MACROD2: variants seen among roughly 807,000 people sequenced by gnomAD.
The protein encoded by MACROD2 is ADP-ribose glycohydrolase MACROD2.
MACROD2 carries 36 observed loss-of-function variants against 70.4 expected under a neutral mutation model. The observed-to-expected ratio is 0.51, with a 90% CI of 0.39 to 0.68. The LOEUF (loss-of-function observed/expected upper bound fraction) is 0.68. Among genes scored for constraint, MACROD2 ranks in the 30% least tolerant of loss-of-function variants. The pLI, the probability that MACROD2 is intolerant of heterozygous loss-of-function variation, is 0.00. For missense variants in MACROD2, 496 were observed against 538.4 expected (o/e 0.92, Z 0.78); for synonymous variants, 172 against 178.8 (o/e 0.96, Z 0.30).
intron 4 of MACROD2, among the ~76,000 whole-genome samples, chr20:14,520,793 G>T (rs894704297): frequency 7.9e-5 from 12 of 151,862 alleles, no homozygotes; most frequent in African/African-American, 2.4e-4. Flanking sequence ...CTTTTACTTT[G>T]TTTTTTTCTT....
intron 5 of MACROD2, among the ~76,000 whole-genome samples, chr20:14,771,173 T>A (rs79161478): frequency 5.3e-5 from 8 of 152,108 alleles, no homozygotes; most frequent in Admixed American, 3.9e-4. Context: ...AACATCAGTC[T>A]TCTCCTGTTT....
chr20:15,492,351 C>T (rs1005743384), intron 7 of MACROD2, among the ~76,000 whole-genome samples: 1 of 127,148 alleles, frequency 7.9e-6, no homozygotes, highest in African/African-American at 2.9e-5. Context: ...ATCACATCCT[C>T]CATCTACACC....
chr20:15,739,501 G>A lies in MACROD2; in HGVS notation c.646-123244G>A, dbSNP rs114340459. ...AAAAATGAGCCAGCAGAAAATAGTC[G>A]TCTCTTAGAGGCCAAGAGACAGGAA... is the stretch of plus-strand genomic sequence containing the variant. On this transcript the variant is annotated intron_variant, in intron 8 of 17. Coordinates refer to ENST00000684519, the MANE Select transcript of MACROD2 (RefSeq NM_001351661.2). 9.5e-3 allele frequency among the ~76,000 whole-genome samples: 1,439 copies of A among 152,238 alleles called. 23 individuals carry two copies. Among genetic ancestry groups the A allele is most frequent in the African/African-American group, 0.031 (1,291 of 41,550 alleles).
At chr20:14,678,425 T>C (rs1162567424) in intron 4 of MACROD2, among the ~76,000 whole-genome samples, 4 of 152,166 alleles carry the variant, frequency 2.6e-5, no homozygotes, top group African/African-American at 9.7e-5. Flanking sequence ...TTCTATATAT[T>C]GTGGTTCTAT....
At chr20:15,705,035 C>CG (rs1377686503) in intron 8 of MACROD2, among the ~76,000 whole-genome samples, 1 of 152,100 alleles carries the variant, frequency 6.6e-6, no homozygotes, top group Non-Finnish European at 1.5e-5. Flanking sequence ...CTAATTCTCA[C>CG]GGTCATTTAT....
intron 5 of MACROD2, among the ~76,000 whole-genome samples, chr20:14,900,887 C>T (rs2073887327): frequency 6.6e-6 from 1 of 151,508 alleles, no homozygotes; most frequent in African/African-American, 2.4e-5. Context: ...TTCAGATTTT[C>T]TTTGTGGATG....
At chr20:14,826,223 TAA>T (rs201986399) in intron 5 of MACROD2, among the ~76,000 whole-genome samples, 4 of 145,714 alleles carry the variant, frequency 2.7e-5, no homozygotes, top group East Asian at 2.0e-4. Context: ...AAACACTAGT[TAA>T]AAAAAAAAAA....
At chr20:14,112,304 A>G (rs2054462052) in intron 3 of MACROD2, among the ~76,000 whole-genome samples, 1 of 152,026 alleles carries the variant, frequency 6.6e-6, no homozygotes, top group Non-Finnish European at 1.5e-5. Flanking sequence ...TTTTGATAGC[A>G]CAACAGAGTG....
intron 8 of MACROD2, among the ~76,000 whole-genome samples, chr20:15,750,393 C>T (rs1363897502): frequency 6.6e-6 from 1 of 151,930 alleles, no homozygotes; most frequent in Non-Finnish European, 1.5e-5. Context: ...AACACTTACA[C>T]ACTGTTGGTG....
At chr20:15,647,800 A>G (rs2049572598) in intron 8 of MACROD2, among the ~76,000 whole-genome samples, 1 of 151,206 alleles carries the variant, frequency 6.6e-6, no homozygotes, top group African/African-American at 2.4e-5. Context: ...GCTCACTGCA[A>G]CCTCAGCCTC....
intron 5 of MACROD2, among the ~76,000 whole-genome samples, chr20:14,940,370 A>G (rs1795793537): frequency 1.3e-5 from 2 of 151,810 alleles, no homozygotes; most frequent in South Asian, 4.2e-4. Context: ...GCAAACACAA[A>G]CCAATCTGGA....
chr20:15,519,081 T>TCCTC (rs2047610580), intron 8 of MACROD2, among the ~76,000 whole-genome samples: 1 of 144,752 alleles, frequency 6.9e-6, no homozygotes, highest in Non-Finnish European at 1.5e-5. Context: ...CTTCCTTCCT[T>TCCTC]CCTTCCTTCC....
At chr20:14,124,938 G>C (rs1569169158) in intron 3 of MACROD2, among the ~76,000 whole-genome samples, 2 of 152,166 alleles carry the variant, frequency 1.3e-5, no homozygotes, top group East Asian at 3.9e-4. Context: ...CACAAAATGT[G>C]GTCTATCCAT....
intron 8 of MACROD2, among the ~76,000 whole-genome samples, chr20:15,776,776 A>G (rs1274583215): frequency 6.6e-6 from 1 of 152,196 alleles, no homozygotes; most frequent in Admixed American, 6.5e-5. Flanking sequence ...GAGAGAACAG[A>G]AACCAAAGCA....
chr20:14,884,289 C>G (rs1287833107), intron 5 of MACROD2: 8 of 152,270 alleles, frequency 5.3e-5, no homozygotes, highest in African/African-American at 1.7e-4. Flanking sequence ...ATTTGGTTCA[C>G]AAATCTGCAG....
In MACROD2 at chr20:16,045,741, A is replaced by C. The variant is rs2067370809; in HGVS notation, c.1300+1102A>C. 2.6e-5 allele frequency among the ~76,000 whole-genome samples: 4 copies of C among 152,078 alleles called. No homozygotes were observed. The South Asian group carries it at 8.3e-4, about 31-fold the overall frequency. On this transcript the variant is annotated intron_variant, in intron 17 of 17. Transcript: ENST00000684519. ...ATCTTTGCTTTAAAGTTGAACTATA[A>C]AGTAAATTCCTGCCGTAGTTAGCTC...
intron 2 of MACROD2, among the ~76,000 whole-genome samples, chr20:14,010,934 G>T (rs556892460): frequency 1.3e-5 from 2 of 152,078 alleles, no homozygotes; most frequent in Non-Finnish European, 1.5e-5. Flanking sequence ...GGTTTTCATG[G>T]CTTTTTCTAT....
At chr20:15,819,691 T>G (rs959545856) in intron 8 of MACROD2, among the ~76,000 whole-genome samples, 6 of 151,768 alleles carry the variant, frequency 4.0e-5, no homozygotes, top group Non-Finnish European at 8.8e-5. Flanking sequence ...TATTGCATAA[T>G]CTCACTTATA....
intron 3 of MACROD2, among the ~76,000 whole-genome samples, chr20:14,301,804 G>A (rs776343140): frequency 2.0e-5 from 3 of 151,928 alleles, no homozygotes; most frequent in Non-Finnish European, 4.4e-5. Flanking sequence ...TAGCTGTGTA[G>A]TCCTCTTAAT....
Sources: allele counts gnomAD v4.1 joint callset (sites outside exome capture counted in the v4.1 genomes callset), GRCh38; gene constraint gnomAD v4.1.1; transcripts MANE v1.5; gene names NCBI Gene and HGNC (gene_info 2026-07-23, HGNC 2026-07-21).